Variants in ARPP21 observed in about 807,000 individuals in gnomAD.
The protein encoded by ARPP21 is cAMP regulated phosphoprotein 21.
A neutral mutation model predicts 113.2 loss-of-function variants in ARPP21; 69 were observed. The observed-to-expected ratio is 0.61, with a 90% confidence interval of 0.50 to 0.74. ARPP21 has a LOEUF of 0.74. ARPP21 is among the 30% of genes least tolerant of loss of function. The pLI, the probability that ARPP21 is intolerant of heterozygous loss-of-function variation, is 0.00. For synonymous variants in ARPP21, 368 were observed against 375.5 expected, an observed-to-expected ratio of 0.98 and a Z score of 0.23; for missense variants, 1,070 against 1,037.4, an observed-to-expected ratio of 1.03 and a Z score of -0.43.
rs377106267 is a variant in ARPP21 at position 35,792,394 on chromosome 3, T to C, written c.2150T>C (p.Val717Ala). ...CTTTTCTTCGCAGGTTACCAGCCAG[T>C]CTTGTCTGGTCAACAGGGATTCCAA... The part of the protein sequence containing the change: ...QAAQQAGYQP[V>A]LSGQQGFQGL... The change falls in exon 20 of 21, where the codon GTC (valine) becomes GCC (alanine). Residue 717 changes from valine to alanine, a missense_variant. Physicochemically the swap from Val to Ala is moderately conservative, Grantham distance 64. Coordinates refer to ENST00000684406, the MANE Select transcript of ARPP21 (RefSeq NM_001385562.1). 68 of 1,613,776 alleles carry C rather than the reference T, an allele frequency of 4.2e-5. No homozygotes were observed. Among genetic ancestry groups the C allele is most frequent in the Non-Finnish European group, 5.6e-5 (66 of 1,179,792 alleles).
intron 19 of ARPP21, among the ~76,000 whole-genome samples, chr3:35,765,474 A>G (rs571938972): frequency 6.6e-6 from 1 of 152,256 alleles, no homozygotes; most frequent in East Asian, 1.9e-4. Context: ...AGTTTATTGC[A>G]TAAGTGAAGC....
At chr3:35,641,600 G>A (rs1166398905) in intron 1 of ARPP21, 23 of 152,178 alleles carry the variant, frequency 1.5e-4, no homozygotes, top group Admixed American at 1.4e-3. Flanking sequence ...AAATAGCCGA[G>A]TAATCTACTA....
At chr3:35,791,450 G>A (rs539548526) in intron 19 of ARPP21, among the ~76,000 whole-genome samples, 4 of 152,202 alleles carry the variant, frequency 2.6e-5, no homozygotes, top group African/African-American at 9.6e-5. Flanking sequence ...TAAAATGAAT[G>A]TCTTTCATTT....
chr3:35,667,840 C>G (rs9839090), intron 1 of ARPP21, among the ~76,000 whole-genome samples: 7,819 of 70,580 alleles, frequency 0.11, 692 homozygotes, highest in Non-Finnish European at 0.12. Context: ...CTTTTATTCT[C>G]AAAGAAGAAG....
At chr3:35,762,037 C>A (rs975295010) in intron 19 of ARPP21, among the ~76,000 whole-genome samples, 2 of 151,616 alleles carry the variant, frequency 1.3e-5, no homozygotes, top group Non-Finnish European at 2.9e-5. Context: ...TTTTTCCAAA[C>A]ACATATCCCT....
chr3:35,677,807 G>A (rs905424316), intron 1 of ARPP21, among the ~76,000 whole-genome samples: 4 of 152,080 alleles, frequency 2.6e-5, no homozygotes, highest in Non-Finnish European at 4.4e-5. Flanking sequence ...AAATGAAATG[G>A]CAGTGGAAGA....
intron 14 of ARPP21, among the ~76,000 whole-genome samples, chr3:35,722,496 C>A (rs2093181372): frequency 6.6e-6 from 1 of 152,138 alleles, no homozygotes; most frequent in South Asian, 2.1e-4. Context: ...AAGTTATAAA[C>A]CCCCAATAAA....
intron 5 of ARPP21, chr3:35,685,538 A>G: frequency 1.0e-6 from 1 of 985,178 alleles, no homozygotes; most frequent in Non-Finnish European, 1.2e-6. Flanking sequence ...TGAATCCCAG[A>G]GAACACTGGC....
chr3:35,651,397 A>G (rs1332188770), intron 1 of ARPP21, among the ~76,000 whole-genome samples: 3 of 152,100 alleles, frequency 2.0e-5, no homozygotes, highest in Admixed American at 2.0e-4. Context: ...CTTCCAGTTT[A>G]TAATTTCCAT....
chr3:35,716,248 G>A (rs1283021075), intron 12 of ARPP21, among the ~76,000 whole-genome samples: 3 of 152,106 alleles, frequency 2.0e-5, no homozygotes, highest in Non-Finnish European at 4.4e-5. Context: ...GCATCAAAAT[G>A]AGCAACTTGA....
intron 1 of ARPP21, among the ~76,000 whole-genome samples, chr3:35,655,197 A>G (rs1704249505): frequency 6.6e-6 from 1 of 152,018 alleles, no homozygotes; most frequent in South Asian, 2.1e-4. Flanking sequence ...TTCTGCAGAG[A>G]TAACAGAAAA....
intron 19 of ARPP21, chr3:35,744,622 G>A: frequency 9.4e-6 from 4 of 425,106 alleles, no homozygotes; most frequent in South Asian, 7.3e-5. Flanking sequence ...TGAGTGGCTT[G>A]TGCTAGGGAG....
At chr3:35,662,217 A>T (rs1256069131) in intron 1 of ARPP21, among the ~76,000 whole-genome samples, 1 of 152,188 alleles carries the variant, frequency 6.6e-6, no homozygotes, top group Non-Finnish European at 1.5e-5. Flanking sequence ...ATTGGCATAC[A>T]TGTGCGTACT....
chr3:35,754,921 C>G (rs2095522833), intron 19 of ARPP21, among the ~76,000 whole-genome samples: 1 of 151,830 alleles, frequency 6.6e-6, no homozygotes, highest in African/African-American at 2.4e-5. Flanking sequence ...AAGTAGAAAG[C>G]AGTCGTTTGG....
At chr3:35,759,672 C>CTGTGTGTGTGTG (rs1468740553) in intron 19 of ARPP21, among the ~76,000 whole-genome samples, 111 of 119,744 alleles carry the variant, frequency 9.3e-4, no homozygotes, top group African/African-American at 2.7e-3. Context: ...TTCATTTTCT[C>CTGTGTGTGTGTG]TCTCTGTGTG....
chr3:35,722,614 G>C (rs2093198320), intron 14 of ARPP21, among the ~76,000 whole-genome samples: 1 of 152,202 alleles, frequency 6.6e-6, no homozygotes, highest in South Asian at 2.1e-4. Flanking sequence ...GTTACCAGGT[G>C]CTTGTATGTT....
At position 35,792,421 on chromosome 3, in the gene ARPP21, G is replaced by A. The variant is rs2096765308; in HGVS notation, c.2177G>A (p.Gly726Asp). Reference sequence around the variant, plus strand: ...TTGTCTGGTCAACAGGGATTCCAAGGCCTAATAGGAGTGCAGCAGCCACCT... The same window carrying A: ...TTGTCTGGTCAACAGGGATTCCAAGACCTAATAGGAGTGCAGCAGCCACCT... ...PVLSGQQGFQGLIGVQQPPQS... is the reference protein window; with the variant it reads ...PVLSGQQGFQDLIGVQQPPQS... Residue 726 changes from glycine (G) to aspartate (D), a missense_variant, in exon 20 of 21, where the codon GGC (glycine) becomes GAC (aspartate). Transcript: ENST00000684406. 1.2e-6 allele frequency: 2 copies of A among 1,613,998 alleles called. No individual in the cohort carries two copies. The highest frequency in any genetic ancestry group is 1.1e-5 in the South Asian group (1 of 91,084).
chr3:35,690,585 G>C (rs541479715), intron 8 of ARPP21, among the ~76,000 whole-genome samples: 1 of 151,594 alleles, frequency 6.6e-6, no homozygotes, highest in South Asian at 2.1e-4. Context: ...CGTTGATAAG[G>C]TATCATGGAC....
chr3:35,682,630 G>A, intron 3 of ARPP21: 1 of 459,772 alleles, frequency 2.2e-6, no homozygotes, highest in Admixed American at 4.0e-5. Context: ...GTTATAAACA[G>A]AAAAGAGCTA....
Sources: allele counts gnomAD v4.1 joint callset (sites outside exome capture counted in the v4.1 genomes callset), GRCh38; gene constraint gnomAD v4.1.1; transcripts MANE v1.5; gene names NCBI Gene and HGNC (gene_info 2026-07-23, HGNC 2026-07-21).